Variants in ARHGAP24 observed in about 807,000 individuals in gnomAD.
ARHGAP24 encodes the protein Rho GTPase activating protein 24.
In ARHGAP24, 50 loss-of-function variants were observed where a neutral mutation model predicts 76.4. The ratio of observed to expected loss-of-function variants is 0.65; its 90% confidence interval spans 0.52 to 0.83. ARHGAP24 has a LOEUF of 0.83. ARHGAP24 is among the 40% of genes least tolerant of loss of function. The pLI is 0.00. For missense variants in ARHGAP24, 930 were observed against 914.2 expected, an observed-to-expected ratio of 1.02 and a Z score of -0.22; for synonymous variants, 345 against 323.3, an observed-to-expected ratio of 1.07 and a Z score of -0.72.
chr4:85,767,545 A>G (rs1033360102), intron 3 of ARHGAP24, among the ~76,000 whole-genome samples: 10 of 152,302 alleles, frequency 6.6e-5, no homozygotes, highest in Admixed American at 5.9e-4. Flanking sequence ...GGAAACTTGA[A>G]CAGAGCATCC....
At chr4:85,680,071 G>A (rs781337788) in intron 2 of ARHGAP24, among the ~76,000 whole-genome samples, 8 of 152,144 alleles carry the variant, frequency 5.3e-5, no homozygotes, top group Non-Finnish European at 7.3e-5. Context: ...GCATGGTCAT[G>A]AGACAGTAAG....
At chr4:85,827,964 T>TAA in intron 3 of ARHGAP24, 1 of 1,289,738 alleles carries the variant, frequency 7.8e-7, no homozygotes, top group Non-Finnish European at 1.0e-6. Flanking sequence ...CTGAAGTGTA[T>TAA]GTTTGTGCAA....
chr4:85,693,911 T>C (rs1723771025), intron 2 of ARHGAP24, among the ~76,000 whole-genome samples: 1 of 152,122 alleles, frequency 6.6e-6, no homozygotes. Context: ...CAGATTTGCC[T>C]CCCAACTCAA....
chr4:85,505,573 A>G (rs1410161979), intron 1 of ARHGAP24, among the ~76,000 whole-genome samples: 1 of 152,094 alleles, frequency 6.6e-6, no homozygotes, highest in Non-Finnish European at 1.5e-5. Context: ...CAGCTCTGTC[A>G]GGTCATTTAA....
intron 3 of ARHGAP24, among the ~76,000 whole-genome samples, chr4:85,724,519 A>T (rs936052529): frequency 1.3e-4 from 13 of 101,436 alleles, no homozygotes; most frequent in Admixed American, 4.4e-4. Context: ...ATATATATAT[A>T]TATATATATA....
intron 2 of ARHGAP24, among the ~76,000 whole-genome samples, chr4:85,681,921 T>C (rs1723217829): frequency 6.6e-6 from 1 of 152,242 alleles, no homozygotes; most frequent in Admixed American, 6.5e-5. Context: ...ATAATTTATA[T>C]GGAGCATACA....
chr4:85,577,692 A>C (rs1727436982), intron 2 of ARHGAP24, among the ~76,000 whole-genome samples: 1 of 152,206 alleles, frequency 6.6e-6, no homozygotes, highest in Admixed American at 6.5e-5. Flanking sequence ...CAGTGTAATA[A>C]GTATTTTAAT....
At chr4:85,975,045 C>G in intron 7 of ARHGAP24, 84 bp downstream of exon 7, 2 of 1,214,574 alleles carry the variant, frequency 1.6e-6, no homozygotes, top group Non-Finnish European at 2.4e-6. Flanking sequence ...CGAATAAAAT[C>G]ACTCAACTAC....
In ARHGAP24 at chr4:85,906,824, G is replaced by C. The variant is rs976413463; in HGVS notation, c.269-16824G>C. ...TGAAGAGAGGGATGAAAGACAAAAA[G>C]AAGAGATTTTTTTTATATTTAAACA... On this transcript the variant is annotated intron_variant, in intron 3 of 9. Transcript: ENST00000395184. Among the ~76,000 whole-genome samples the C allele has an allele frequency of 1.1e-4, 16 of 148,994 alleles. No homozygotes were observed. In the East Asian group the frequency reaches 3.1e-3, roughly 29 times the overall value.
At chr4:85,944,387 G>C (rs111967093) in intron 5 of ARHGAP24, among the ~76,000 whole-genome samples, 10,959 of 152,158 alleles carry the variant, frequency 0.072, 1,371 homozygotes, top group African/African-American at 0.25. Flanking sequence ...GAAGTGTCTG[G>C]TCATGTCCTT....
intron 1 of ARHGAP24, among the ~76,000 whole-genome samples, chr4:85,564,620 T>C (rs2110137929): frequency 6.6e-6 from 1 of 151,950 alleles, no homozygotes; most frequent in South Asian, 2.1e-4. Context: ...GGGACCAGTT[T>C]CACGGGGTGA....
intron 1 of ARHGAP24, among the ~76,000 whole-genome samples, chr4:85,540,494 C>T (rs1272373511): frequency 1.3e-5 from 2 of 152,150 alleles, no homozygotes; most frequent in East Asian, 1.9e-4. Context: ...CTATAAGCAG[C>T]ATATGTTTCT....
chr4:85,506,900 T>TA (rs1356883889), intron 1 of ARHGAP24, among the ~76,000 whole-genome samples: 1 of 15,256 alleles, frequency 6.6e-5, no homozygotes, highest in Non-Finnish European at 2.3e-4. Flanking sequence ...GCCTTTTTTT[T>TA]TCCCCCCATG....
At chr4:85,644,377 G>C (rs115489274) in intron 2 of ARHGAP24, among the ~76,000 whole-genome samples, 277 of 152,200 alleles carry the variant, frequency 1.8e-3, no homozygotes, top group African/African-American at 6.5e-3. Context: ...TAGTTGCATG[G>C]AATTGAGCAA....
chr4:85,676,758 A>G (rs892762461), intron 2 of ARHGAP24, among the ~76,000 whole-genome samples: 6 of 152,210 alleles, frequency 3.9e-5, no homozygotes, highest in African/African-American at 1.4e-4. Flanking sequence ...TCATCTTTTC[A>G]AAGACTTGCA....
At chr4:85,521,852 T>C (rs537409966) in intron 1 of ARHGAP24, among the ~76,000 whole-genome samples, 20 of 152,236 alleles carry the variant, frequency 1.3e-4, no homozygotes, top group African/African-American at 3.6e-4. Flanking sequence ...GCCAATGTAG[T>C]TATTTATTAT....
intron 3 of ARHGAP24, among the ~76,000 whole-genome samples, chr4:85,726,408 G>C (rs78490517): frequency 0.015 from 2,217 of 152,298 alleles, 47 homozygotes; most frequent in African/African-American, 0.05. Flanking sequence ...AGTGAGGAAA[G>C]CAGGATGCGA....
At chr4:85,867,912 T>TATATA in intron 3 of ARHGAP24, among the ~76,000 whole-genome samples, 1 of 147,490 alleles carries the variant, frequency 6.8e-6, no homozygotes, top group South Asian at 2.1e-4. Flanking sequence ...TATATATACA[T>TATATA]ATATGTACAC....
At chr4:85,935,367 A>G (rs544829853) in intron 4 of ARHGAP24, among the ~76,000 whole-genome samples, 3 of 152,328 alleles carry the variant, frequency 2.0e-5, no homozygotes, top group Non-Finnish European at 4.4e-5. Flanking sequence ...ACACCAAATT[A>G]TCTATTAAGT....
Sources: allele counts gnomAD v4.1 joint callset (sites outside exome capture counted in the v4.1 genomes callset), GRCh38; gene constraint gnomAD v4.1.1; transcripts MANE v1.5; gene names NCBI Gene and HGNC (gene_info 2026-07-23, HGNC 2026-07-21).